The following RALYL variants were observed in gnomAD, a reference collection of about 807,000 sequenced individuals.
RALYL encodes the protein RALY RNA binding protein like, also known as RNA-binding Raly-like protein.
In RALYL, 29 loss-of-function variants were observed where a neutral mutation model predicts 35.1. The observed-to-expected ratio is 0.83, with a 90% CI of 0.61 to 1.13. The LOEUF is 1.13. Among genes scored for constraint, RALYL ranks in the 50% most tolerant of loss-of-function variants. The probability of loss-of-function intolerance (pLI) is 0.00; values close to 1 mark genes in which losing one functional copy is unlikely to be tolerated. For missense variants in RALYL, 359 were observed against 360.4 expected (o/e 1.00, Z 0.03); for synonymous variants, 120 against 127.6 (o/e 0.94, Z 0.40).
intron 1 of RALYL, among the ~76,000 whole-genome samples, chr8:84,281,718 C>A (rs1039934816): frequency 4.6e-5 from 7 of 151,910 alleles, no homozygotes; most frequent in African/African-American, 1.7e-4. Flanking sequence ...TGTGTGTGTG[C>A]ACGCATGTAT....
At chr8:84,838,040 T>C (rs1832393735) in intron 4 of RALYL, among the ~76,000 whole-genome samples, 1 of 152,150 alleles carries the variant, frequency 6.6e-6, no homozygotes, top group South Asian at 2.1e-4. Context: ...GCGACAAAAG[T>C]TCTTCTCTTA....
intron 2 of RALYL, among the ~76,000 whole-genome samples, chr8:84,627,648 G>T (rs1823029400): frequency 6.6e-6 from 1 of 150,698 alleles, no homozygotes. Context: ...TTCTTTCTCT[G>T]TATTCTGTTA....
chr8:84,496,159 C>CA (rs34577892), intron 1 of RALYL, among the ~76,000 whole-genome samples: 2 of 151,740 alleles, frequency 1.3e-5, no homozygotes, highest in African/African-American at 2.4e-5. Context: ...TTAATAGCAG[C>CA]AAAAAAAGAA....
chr8:84,504,481 G>A (rs1001794533), intron 1 of RALYL, among the ~76,000 whole-genome samples: 1 of 151,978 alleles, frequency 6.6e-6, no homozygotes, highest in African/African-American at 2.4e-5. Context: ...GATAATTTTT[G>A]TACATAAATA....
chr8:84,679,283 A>G (rs16913090), intron 2 of RALYL: 61,135 of 220,930 alleles, frequency 0.28, 9,566 homozygotes, highest in African/African-American at 0.44. Flanking sequence ...CCATGATGCC[A>G]GTGGAGTAAA....
intron 2 of RALYL, among the ~76,000 whole-genome samples, chr8:84,641,259 G>C (rs895918320): frequency 6.6e-6 from 1 of 150,974 alleles, no homozygotes; most frequent in Non-Finnish European, 1.5e-5. Context: ...TTATATAAAA[G>C]TATTCTTTTT....
intron 1 of RALYL, among the ~76,000 whole-genome samples, chr8:84,228,479 T>G (rs947200396): frequency 2.6e-5 from 4 of 152,088 alleles, no homozygotes; most frequent in Non-Finnish European, 5.9e-5. Context: ...TCCTGCAACT[T>G]TTGTATGCAG....
intron 2 of RALYL, among the ~76,000 whole-genome samples, chr8:84,545,375 T>C (rs1261690336): frequency 6.6e-6 from 1 of 152,148 alleles, no homozygotes; most frequent in African/African-American, 2.4e-5. Context: ...TCCATGCTGT[T>C]CTCTTTCAAA....
intron 3 of RALYL, among the ~76,000 whole-genome samples, chr8:84,779,354 G>A (rs924033521): frequency 6.6e-6 from 1 of 152,074 alleles, no homozygotes. Flanking sequence ...AAATATCAGA[G>A]AACAAAGACA....
intron 2 of RALYL, among the ~76,000 whole-genome samples, chr8:84,539,210 A>G (rs1588066310): frequency 6.6e-6 from 1 of 152,146 alleles, no homozygotes; most frequent in Non-Finnish European, 1.5e-5. Flanking sequence ...TCTTGTCTGT[A>G]AAATGTAGGT....
intron 1 of RALYL, among the ~76,000 whole-genome samples, chr8:84,466,809 A>C (rs1302699643): frequency 1.3e-5 from 2 of 151,600 alleles, no homozygotes; most frequent in African/African-American, 2.4e-5. Context: ...GATTATTGCC[A>C]CAATTTCAGC....
At chr8:84,724,684 A>C (rs1173314592) in intron 2 of RALYL, among the ~76,000 whole-genome samples, 1 of 151,704 alleles carries the variant, frequency 6.6e-6, no homozygotes, top group Non-Finnish European at 1.5e-5. Flanking sequence ...ATTTTATCAA[A>C]GTTTTCAATT....
At chr8:84,749,505 C>T (rs1563513209) in intron 2 of RALYL, among the ~76,000 whole-genome samples, 1 of 152,118 alleles carries the variant, frequency 6.6e-6, no homozygotes, top group Non-Finnish European at 1.5e-5. Flanking sequence ...ATTCCACATA[C>T]TATGAAAGAG....
At chr8:84,379,321 T>C (rs2131579149) in intron 1 of RALYL, among the ~76,000 whole-genome samples, 1 of 152,038 alleles carries the variant, frequency 6.6e-6, no homozygotes, top group East Asian at 1.9e-4. Context: ...AGATCGTTTT[T>C]CACAGGTTTA....
chr8:84,699,005 C>CATAG (rs3068019), intron 2 of RALYL, among the ~76,000 whole-genome samples: 29,649 of 144,082 alleles, frequency 0.21, 3,026 homozygotes, highest in African/African-American at 0.24. Flanking sequence ...TAGGTAGGTA[C>CATAG]ATAGATAGAT....
At chr8:84,468,366 T>G (rs1282985297) in intron 1 of RALYL, among the ~76,000 whole-genome samples, 1 of 151,902 alleles carries the variant, frequency 6.6e-6, no homozygotes, top group Admixed American at 6.6e-5. Context: ...CAGCATTTGC[T>G]TGTCTGTAAA....
intron 1 of RALYL, among the ~76,000 whole-genome samples, chr8:84,341,528 G>A (rs903720198): frequency 4.6e-5 from 7 of 151,688 alleles, no homozygotes; most frequent in Middle Eastern, 3.5e-3. Flanking sequence ...ATAATGTATC[G>A]GTATCGCATT....
At chr8:84,617,408 T>G (rs1326886159) in intron 2 of RALYL, among the ~76,000 whole-genome samples, 1 of 148,726 alleles carries the variant, frequency 6.7e-6, no homozygotes, top group Non-Finnish European at 1.5e-5. Flanking sequence ...GTTGTTGGTG[T>G]ATAAGAATGC....
At chr8:84,755,661 C>T (rs946753933) in intron 2 of RALYL, among the ~76,000 whole-genome samples, 15 of 151,954 alleles carry the variant, frequency 9.9e-5, no homozygotes, top group Admixed American at 9.8e-4. Context: ...GATAAGAAAT[C>T]ATCTGCCAAT....
Sources: allele counts gnomAD v4.1 joint callset (sites outside exome capture counted in the v4.1 genomes callset), GRCh38; gene constraint gnomAD v4.1.1; transcripts MANE v1.5; gene names NCBI Gene and HGNC (gene_info 2026-07-23, HGNC 2026-07-21).